CALCOCO2: variants seen among roughly 807,000 people sequenced by gnomAD.
The protein encoded by CALCOCO2 is calcium binding and coiled-coil domain 2.
CALCOCO2 carries 42 observed loss-of-function variants against 62.5 expected under a neutral mutation model. That is an observed-to-expected ratio of 0.67 (90% CI 0.53 to 0.87). The LOEUF is 0.87. CALCOCO2 is among the 40% of genes least tolerant of loss of function. The pLI is 0.00. For synonymous variants in CALCOCO2, 167 were observed against 173.0 expected, an observed-to-expected ratio of 0.97 and a Z score of 0.27; for missense variants, 456 against 515.0, an observed-to-expected ratio of 0.89 and a Z score of 1.11.
chr17:48,856,049 T>C (rs769777241), intron 9 of CALCOCO2, 43 bp from the exon 10 acceptor site: 14 of 991,082 alleles, frequency 1.4e-5, no homozygotes, highest in Non-Finnish European at 2.2e-5. Context: ...GTACCCAGAC[T>C]GCAATATGTG....
At chr17:48,842,893 C>T (rs567555783) in intron 2 of CALCOCO2, among the ~76,000 whole-genome samples, 5 of 152,040 alleles carry the variant, frequency 3.3e-5, no homozygotes, top group Non-Finnish European at 5.9e-5. Context: ...CCCGCCTCAG[C>T]CTCCCAAATT....
In CALCOCO2 at chr17:48,838,159, G is replaced by A. The variant is rs897075665; in HGVS notation, c.-10-3539G>A. On this transcript the variant is annotated intron_variant, in intron 1 of 12. Coordinates refer to ENST00000258947, the MANE Select transcript of CALCOCO2 (RefSeq NM_005831.5). Reference sequence around the variant, plus strand: ...AACTCTAAGGGGGTATGCGTGAGAGGGTCGTGATCAATTGAGCAAGCAGGG... The same window carrying A: ...AACTCTAAGGGGGTATGCGTGAGAGAGTCGTGATCAATTGAGCAAGCAGGG... 3.4e-4 allele frequency among the ~76,000 whole-genome samples: 52 copies of A among 152,024 alleles called. 1 individual carries two copies. Among genetic ancestry groups the A allele is most frequent in the South Asian group, 2.1e-4 (1 of 4,808 alleles).
chr17:48,857,948 G>A (rs2040244320), intron 10 of CALCOCO2, among the ~76,000 whole-genome samples: 1 of 141,174 alleles, frequency 7.1e-6, no homozygotes, highest in African/African-American at 2.6e-5. Flanking sequence ...CTGCACTCCA[G>A]CCTGGCTGAC....
At chr17:48,859,068 AAAAAAG>A (rs2040287448) in intron 10 of CALCOCO2, among the ~76,000 whole-genome samples, 1 of 150,322 alleles carries the variant, frequency 6.7e-6, no homozygotes, top group African/African-American at 2.4e-5. Context: ...AAAAAAAAAA[AAAAAAG>A]AACTGTAGTA....
At chr17:48,836,998 T>C (rs1055963689) in intron 1 of CALCOCO2, among the ~76,000 whole-genome samples, 2 of 152,138 alleles carry the variant, frequency 1.3e-5, no homozygotes, top group Non-Finnish European at 2.9e-5. Context: ...TGACCTCAGG[T>C]GATCTGCCTG....
At chr17:48,844,371 C>A (rs532477431) in intron 2 of CALCOCO2, among the ~76,000 whole-genome samples, 39 of 151,636 alleles carry the variant, frequency 2.6e-4, no homozygotes, top group African/African-American at 9.4e-4. Context: ...CGTTATATTT[C>A]TATTTTGCTT....
At chr17:48,857,303 T>C (rs1448530763) in intron 10 of CALCOCO2, among the ~76,000 whole-genome samples, 2 of 151,104 alleles carry the variant, frequency 1.3e-5, no homozygotes, top group East Asian at 3.9e-4. Context: ...GTTCAAGCGA[T>C]TCCCCTGCCT....
intron 10 of CALCOCO2, among the ~76,000 whole-genome samples, chr17:48,857,863 G>C (rs1014690436): frequency 3.3e-5 from 5 of 149,778 alleles, no homozygotes; most frequent in African/African-American, 9.8e-5. Context: ...TATAGTCCCA[G>C]CTACTCAGGA....
intron 2 of CALCOCO2, chr17:48,846,015 C>T (rs2040048190): frequency 1.6e-6 from 2 of 1,277,646 alleles, no homozygotes; most frequent in Non-Finnish European, 2.1e-6. Flanking sequence ...CTCAAATGCT[C>T]TCCCCAGTGT....
intron 2 of CALCOCO2, among the ~76,000 whole-genome samples, chr17:48,846,742 G>A (rs921372404): frequency 6.6e-6 from 1 of 152,140 alleles, no homozygotes; most frequent in African/African-American, 2.4e-5. Context: ...TGAGTTTTTG[G>A]TATAGACTTT....
intron 6 of CALCOCO2, 122 bp from the exon 7 acceptor site, chr17:48,851,437 G>C (rs1418779321): frequency 9.4e-5 from 64 of 684,438 alleles, no homozygotes; most frequent in Admixed American, 1.4e-4. Flanking sequence ...CTGCAATGGA[G>C]ACTAGTAGAT....
At chr17:48,852,668 A>G in intron 8 of CALCOCO2, 40 bp downstream of exon 8, 1 of 1,578,318 alleles carries the variant, frequency 6.3e-7, no homozygotes, top group South Asian at 1.1e-5. Context: ...AGGCATTTGC[A>G]AGAAAATATA....
chr17:48,846,517 G>C (rs1461576156), intron 2 of CALCOCO2: 1 of 1,413,806 alleles, frequency 7.1e-7, no homozygotes, highest in African/African-American at 1.4e-5. Flanking sequence ...AATTGCAGGT[G>C]GCTAGAAGTT....
intron 8 of CALCOCO2, 22 bp downstream of exon 8, chr17:48,852,650 A>G: frequency 1.2e-6 from 2 of 1,605,042 alleles, no homozygotes; most frequent in South Asian, 2.2e-5. Context: ...AGAGAAAACA[A>G]CACTTTTAGG....
chr17:48,855,076 G>T (rs1178863707), intron 9 of CALCOCO2, among the ~76,000 whole-genome samples: 4 of 152,124 alleles, frequency 2.6e-5, no homozygotes, highest in Non-Finnish European at 4.4e-5. Context: ...CCAGAAAATG[G>T]TACACCCTTG....
intron 6 of CALCOCO2, 66 bp from the exon 7 acceptor site, chr17:48,851,493 C>T (rs953669827): frequency 1.2e-5 from 11 of 929,894 alleles, no homozygotes; most frequent in South Asian, 2.6e-5. Flanking sequence ...CCTTAAATCA[C>T]TTAAGGCCAG....
chr17:48,851,279 T>G (rs894403113), intron 6 of CALCOCO2, 102 bp downstream of exon 6: 3 of 744,882 alleles, frequency 4.0e-6, no homozygotes, highest in Non-Finnish European at 7.2e-6. Flanking sequence ...AAAACACTGT[T>G]ATGACATTGA....
chr17:48,862,366 A>T, intron 12 of CALCOCO2, 62 bp downstream of exon 12: 2 of 1,083,200 alleles, frequency 1.8e-6, no homozygotes, highest in Non-Finnish European at 2.9e-6. Flanking sequence ...TTCCTGCTCC[A>T]GTTCATGGGA....
At chr17:48,840,836 A>G (rs903778408) in intron 1 of CALCOCO2, among the ~76,000 whole-genome samples, 2 of 152,158 alleles carry the variant, frequency 1.3e-5, no homozygotes, top group Non-Finnish European at 2.9e-5. Context: ...GGAAAAAAAA[A>G]CCCACAACTA....
Sources: allele counts gnomAD v4.1 joint callset (sites outside exome capture counted in the v4.1 genomes callset), GRCh38; gene constraint gnomAD v4.1.1; transcripts MANE v1.5; gene names NCBI Gene and HGNC (gene_info 2026-07-23, HGNC 2026-07-21).